Variants in FAM120C observed in about 807,000 individuals in gnomAD.
FAM120C encodes the protein constitutive coactivator of PPAR-gamma-like protein 2.
Under a neutral mutation model 71.2 loss-of-function variants are expected in FAM120C, and 14 were observed. The ratio of observed to expected loss-of-function variants is 0.20; its 90% CI spans 0.13 to 0.31. FAM120C has a LOEUF of 0.31. FAM120C is among the 10% of genes least tolerant of loss of function. The probability of loss-of-function intolerance (pLI) is 1.00; values close to 1 mark genes in which losing one functional copy is unlikely to be tolerated. For missense variants in FAM120C, 500 were observed against 879.0 expected, an observed-to-expected ratio of 0.57 and a Z score of 5.45; for synonymous variants, 354 against 353.2, an observed-to-expected ratio of 1.00 and a Z score of -0.03.
intron 1 of FAM120C, chrX:54,171,821 C>G (rs782385152): frequency 2.7e-5 from 3 of 112,204 alleles, no homozygotes; most frequent in Non-Finnish European, 3.8e-5. Context: ...TGACATCATG[C>G]TTCATTTTCA....
chrX:54,167,036 G>A (rs2067263206), intron 1 of FAM120C, among the ~76,000 whole-genome samples: 3 of 111,587 alleles, frequency 2.7e-5, no homozygotes, highest in South Asian at 7.5e-4. Context: ...GGAAGTAATC[G>A]CTGTTCTAAG....
At position 54,068,779 on chromosome X, in the gene FAM120C, CAGAATAGAACAGAATAGAATAGAAT is replaced by C. The variant is rs2066697089; in HGVS notation, c.*4229_*4253del. 1 of 94,046 alleles carries C rather than the reference CAGAATAGAACAGAATAGAATAGAAT, an allele frequency of 1.1e-5. No individual in the cohort carries two copies. The highest frequency in any genetic ancestry group is 4.3e-5 in the African/African-American group (1 of 23,462). The allele number at this position is 94,046 out of a possible 1,213,427, so 7.8% of individuals were successfully genotyped here. On this transcript the variant is annotated 3_prime_UTR_variant, in exon 16 of 16. Transcript: ENST00000375180. ...GTGTTATTCTAAAAACAGAATAGAA[CAGAATAGAACAGAATAGAATAGAAT>C]AGAATAGAATAGAATAGAATAGAAT... is the stretch of plus-strand genomic sequence containing the variant.
At chrX:54,100,757 G>C (rs782203929) in intron 10 of FAM120C, among the ~76,000 whole-genome samples, 21 of 112,314 alleles carry the variant, frequency 1.9e-4, no homozygotes, top group Non-Finnish European at 3.2e-4. Flanking sequence ...GGGACTCCTG[G>C]ACACACTGTG....
chrX:54,076,164 C>T (rs1347943701), intron 15 of FAM120C, among the ~76,000 whole-genome samples: 1 of 109,274 alleles, frequency 9.2e-6, no homozygotes, highest in Non-Finnish European at 1.9e-5. Context: ...TATGGTGAAA[C>T]CCTGTCACTA....
At chrX:54,091,187 T>C (rs1876997238) in intron 11 of FAM120C, 125 bp downstream of exon 11, 1 of 448,207 alleles carries the variant, frequency 2.2e-6, no homozygotes, top group Non-Finnish European at 3.9e-6. Context: ...AATATTTGGT[T>C]AAAGTAAATC....
intron 10 of FAM120C, among the ~76,000 whole-genome samples, chrX:54,095,650 A>T (rs1276213828): frequency 1.9e-5 from 2 of 107,660 alleles, no homozygotes; most frequent in Non-Finnish European, 1.9e-5. Context: ...CCCAGCCCAC[A>T]TCTTTTTTTT....
In FAM120C at chrX:54,068,857, G is replaced by T; in HGVS notation, c.*4176C>A. 9.4e-6 allele frequency: 1 copy of T among 106,487 alleles called. No individual in the cohort carries two copies. The highest frequency in any genetic ancestry group is 4.7e-3 in the Middle Eastern group (1 of 213). 8.8% of individuals were successfully genotyped at this position (106,487 alleles called of 1,213,427 possible). On this transcript the variant is annotated 3_prime_UTR_variant, in exon 16 of 16. Coordinates refer to ENST00000375180, the MANE Select transcript of FAM120C (RefSeq NM_017848.6). ...AATAGAATAGAATAGAAGGTAGGAGGGGAAGTGCTTTCTGGGAAGCAATTA... is the reference window on the plus strand; with the variant it reads ...AATAGAATAGAATAGAAGGTAGGAGTGGAAGTGCTTTCTGGGAAGCAATTA...
chrX:54,075,776 C>T (rs1348210925), intron 15 of FAM120C, among the ~76,000 whole-genome samples: 3 of 92,339 alleles, frequency 3.2e-5, no homozygotes, highest in East Asian at 7.0e-4. Context: ...TCCAGCCTGG[C>T]GACAGAACGA....
intron 12 of FAM120C, among the ~76,000 whole-genome samples, chrX:54,086,827 A>G (rs1348320579): frequency 2.7e-5 from 3 of 110,099 alleles, no homozygotes; most frequent in African/African-American, 9.9e-5. Flanking sequence ...CTATGTTCCA[A>G]TAACATTTTA....
intron 1 of FAM120C, among the ~76,000 whole-genome samples, chrX:54,169,746 T>C (rs2067278111): frequency 1.8e-5 from 2 of 112,245 alleles, no homozygotes; most frequent in Admixed American, 1.9e-4. Flanking sequence ...TGTATAAGTC[T>C]GGTTCAGCAA....
chrX:54,144,643 C>T (rs1422320832), intron 4 of FAM120C, among the ~76,000 whole-genome samples: 1 of 111,735 alleles, frequency 8.9e-6, no homozygotes, highest in African/African-American at 3.3e-5. Context: ...GAACTACAAA[C>T]CACTGCTCAA....
intron 1 of FAM120C, among the ~76,000 whole-genome samples, chrX:54,164,952 C>A (rs151219447): frequency 0.011 from 1,198 of 111,439 alleles, 8 homozygotes; most frequent in Middle Eastern, 0.041. Context: ...CAGTAGCCAT[C>A]CTAATGAGTG....
intron 10 of FAM120C, among the ~76,000 whole-genome samples, chrX:54,109,490 C>G (rs2066923734): frequency 9.2e-6 from 1 of 108,654 alleles, no homozygotes; most frequent in Non-Finnish European, 1.9e-5. Flanking sequence ...TGGCATGCCC[C>G]TGTAGTCTCA....
chrX:54,083,554 G>T (rs1201153022), intron 13 of FAM120C, among the ~76,000 whole-genome samples: 1 of 108,858 alleles, frequency 9.2e-6, no homozygotes, highest in Non-Finnish European at 1.9e-5. Flanking sequence ...CGAATCACTT[G>T]AGCCCAGGAA....
Position 54,130,290 on chromosome X carries a change from GTTGA to G in FAM120C, c.2062+2398_2062+2401del, listed in dbSNP as rs1304310258. Reference sequence around the variant, plus strand: ...TCCCATTCTGTAGGCTATTTACTCTGTTGATTGTTTCTTTTGCTATGCAAAAGTC... The same window carrying G: ...TCCCATTCTGTAGGCTATTTACTCTGTTGTTTCTTTTGCTATGCAAAAGTC... On this transcript the variant is annotated intron_variant, in intron 9 of 15. Coordinates refer to ENST00000375180, the MANE Select transcript of FAM120C (RefSeq NM_017848.6). Among the ~76,000 whole-genome samples the G allele has an allele frequency of 3.6e-4, 40 of 111,930 alleles. No individual in the cohort carries two copies. The South Asian group carries it at 0.013, about 37-fold the overall frequency.
chrX:54,151,650 A>G (rs1312977209), intron 3 of FAM120C, among the ~76,000 whole-genome samples: 7 of 111,722 alleles, frequency 6.3e-5, no homozygotes, highest in Non-Finnish European at 1.3e-4. Context: ...CTTTCATGAG[A>G]CATTTTGGCT....
chrX:54,112,254 TAAAAATAC>T (rs1424023841), intron 10 of FAM120C, among the ~76,000 whole-genome samples: 1 of 109,998 alleles, frequency 9.1e-6, no homozygotes, highest in Non-Finnish European at 1.9e-5. Flanking sequence ...CTGTCTCTAC[TAAAAATAC>T]AAAACTTAGC....
intron 3 of FAM120C, among the ~76,000 whole-genome samples, chrX:54,156,635 C>T (rs2067211209): frequency 9.1e-6 from 1 of 109,385 alleles, no homozygotes; most frequent in African/African-American, 3.3e-5. Flanking sequence ...TCCTGTAATC[C>T]CAGCACTTTG....
chrX:54,140,837 G>A (rs782455032), intron 4 of FAM120C, among the ~76,000 whole-genome samples: 2 of 107,061 alleles, frequency 1.9e-5, no homozygotes, highest in Non-Finnish European at 3.9e-5. Flanking sequence ...CTACTTGGGA[G>A]GCTGAGGCAG....
Sources: allele counts gnomAD v4.1 joint callset (sites outside exome capture counted in the v4.1 genomes callset), GRCh38; gene constraint gnomAD v4.1.1; transcripts MANE v1.5; gene names NCBI Gene and HGNC (gene_info 2026-07-23, HGNC 2026-07-21).